PFKFB3: variants seen among roughly 807,000 people sequenced by gnomAD.
PFKFB3 encodes 6-phosphofructo-2-kinase/fructose-2,6-biphosphatase 3, also known as 6-phosphofructo-2-kinase/fructose-2,6-bisphosphatase 3.
PFKFB3 carries 33 observed loss-of-function variants against 68.0 expected under a neutral mutation model. The observed-to-expected ratio is 0.49, with a 90% CI of 0.37 to 0.65. The LOEUF is 0.65. PFKFB3 is among the 30% of genes least tolerant of loss of function. The pLI, the probability that PFKFB3 is intolerant of heterozygous loss-of-function variation, is 0.00. For missense variants in PFKFB3, 586 were observed against 712.2 expected, an observed-to-expected ratio of 0.82 and a Z score of 2.02; for synonymous variants, 315 against 288.2, an observed-to-expected ratio of 1.09 and a Z score of -0.94.
At chr10:6,253,861 G>C (rs190788964) in intron 14 of PFKFB3, among the ~76,000 whole-genome samples, 10 of 152,226 alleles carry the variant, frequency 6.6e-5, no homozygotes, top group African/African-American at 9.6e-5. Flanking sequence ...AGCCAACATG[G>C]CGAACCCCGT....
chr10:6,304,488 G>A, the PFKFB3 span, among the ~76,000 whole-genome samples: 1 of 148,736 alleles, frequency 6.7e-6, no homozygotes, highest in Non-Finnish European at 1.5e-5. Context: ...AATGTATCTA[G>A]TATGTTCTTT....
the PFKFB3 span, among the ~76,000 whole-genome samples, chr10:6,261,031 C>G: frequency 3.9e-5 from 6 of 152,234 alleles, no homozygotes; most frequent in Non-Finnish European, 8.8e-5. Context: ...GGTCAGTTCC[C>G]TGCATCTTCA....
the PFKFB3 span, among the ~76,000 whole-genome samples, chr10:6,307,730 C>T: frequency 6.6e-6 from 1 of 152,158 alleles, no homozygotes; most frequent in Non-Finnish European, 1.5e-5. Context: ...AAAATCCTTG[C>T]AGATGCATCC....
chr10:6,323,822 C>A, the PFKFB3 span, among the ~76,000 whole-genome samples: 1 of 152,176 alleles, frequency 6.6e-6, no homozygotes, highest in South Asian at 2.1e-4. Flanking sequence ...AGGTGAGATG[C>A]TGCAGCTTCT....
intron 14 of PFKFB3, among the ~76,000 whole-genome samples, chr10:6,241,197 G>A (rs932784392): frequency 7.2e-5 from 11 of 152,212 alleles, no homozygotes; most frequent in East Asian, 1.9e-4. Flanking sequence ...GAGCCACCGC[G>A]CCTGGCCATA....
intron 8 of PFKFB3, 127 bp from the exon 9 acceptor site, chr10:6,221,254 A>T (rs1844937084): frequency 8.3e-6 from 9 of 1,078,896 alleles, no homozygotes; most frequent in Non-Finnish European, 1.2e-5. Context: ...TGGCTGTCCC[A>T]GTGGCCTGGG....
chr10:6,287,263 T>C, the PFKFB3 span, among the ~76,000 whole-genome samples: 1,392 of 152,242 alleles, frequency 9.1e-3, 62 homozygotes, highest in East Asian at 0.13. Context: ...CTAACTTTTG[T>C]ATTTTTAGTA....
chr10:6,222,462 C>G lies in PFKFB3; in HGVS notation c.1084-393C>G, dbSNP rs367757618. ...ATCACCACAAATTCCAGGCCTTTCC[C>G]TCACTGCACAAAGAAACCCAGACCT... On this transcript the variant is annotated intron_variant, in intron 10 of 14. Coordinates refer to ENST00000379775, the MANE Select transcript of PFKFB3 (RefSeq NM_004566.4). Among the ~76,000 whole-genome samples the G allele has an allele frequency of 2.6e-5, 4 of 152,374 alleles. No individual in the cohort carries two copies. In the East Asian group the frequency reaches 7.7e-4, roughly 29 times the overall value.
At chr10:6,223,240 C>T (rs2131994872) in intron 11 of PFKFB3, among the ~76,000 whole-genome samples, 1 of 152,294 alleles carries the variant, frequency 6.6e-6, no homozygotes, top group African/African-American at 2.4e-5. Flanking sequence ...TCCCTGAGAC[C>T]CGCCCCTGGC....
At chr10:6,317,181 C>T in the PFKFB3 span, among the ~76,000 whole-genome samples, 4 of 152,156 alleles carry the variant, frequency 2.6e-5, no homozygotes, top group East Asian at 1.9e-4. Context: ...CCATGGGGGA[C>T]GTGCTCTTGA....
intron 1 of PFKFB3, among the ~76,000 whole-genome samples, chr10:6,192,313 C>G (rs1009740448): frequency 6.6e-6 from 1 of 151,680 alleles, no homozygotes; most frequent in African/African-American, 2.4e-5. Flanking sequence ...CCTAACATCT[C>G]GTCAGCAGCT....
chr10:6,209,471 TA>T (rs1279505338), intron 1 of PFKFB3, among the ~76,000 whole-genome samples: 1 of 137,338 alleles, frequency 7.3e-6, no homozygotes, highest in Non-Finnish European at 1.6e-5. Flanking sequence ...TTAAACTCAA[TA>T]ATTTTTTTTT....
At chr10:6,178,655 G>T (rs1226622075) in intron 1 of PFKFB3, among the ~76,000 whole-genome samples, 1 of 152,200 alleles carries the variant, frequency 6.6e-6, no homozygotes, top group Non-Finnish European at 1.5e-5. Context: ...GGGAGCAGCT[G>T]GGCGTTATTT....
intron 1 of PFKFB3, among the ~76,000 whole-genome samples, chr10:6,192,411 T>C (rs1197196160): frequency 6.7e-6 from 1 of 148,564 alleles, no homozygotes; most frequent in East Asian, 2.0e-4. Context: ...ATTTTTAGAA[T>C]GTTTTCCACT....
chr10:6,146,156 G>GGCACTGGAGCCTGC, intron 1 of PFKFB3: 1 of 901,596 alleles, frequency 1.1e-6, no homozygotes, highest in Non-Finnish European at 1.3e-6. Flanking sequence ...GGGGAGCCTG[G>GGCACTGGAGCCTGC]CCTCCCCTGG....
chr10:6,179,356 C>G (rs905765622), intron 1 of PFKFB3, among the ~76,000 whole-genome samples: 4 of 152,228 alleles, frequency 2.6e-5, no homozygotes, highest in African/African-American at 7.2e-5. Context: ...TTGAGCCACA[C>G]AAATCCAAAT....
intron 13 of PFKFB3, among the ~76,000 whole-genome samples, 194 bp from the exon 14 acceptor site, chr10:6,225,998 G>A (rs1386859174): frequency 6.6e-6 from 1 of 152,146 alleles, no homozygotes; most frequent in East Asian, 1.9e-4. Flanking sequence ...GGAGGGAATT[G>A]CCCCCATTCT....
At chr10:6,287,770 C>CATT in the PFKFB3 span, among the ~76,000 whole-genome samples, 8 of 152,092 alleles carry the variant, frequency 5.3e-5, no homozygotes, top group African/African-American at 1.7e-4. Flanking sequence ...TCACCAAATA[C>CATT]ATTATTACTA....
intron 12 of PFKFB3, 53 bp downstream of exon 12, chr10:6,224,073 T>C (rs1845155896): frequency 6.2e-7 from 1 of 1,607,536 alleles, no homozygotes; most frequent in Non-Finnish European, 8.5e-7. Context: ...CCACAGTAGC[T>C]TCTTGTGGCC....
Sources: allele counts gnomAD v4.1 joint callset (sites outside exome capture counted in the v4.1 genomes callset), GRCh38; gene constraint gnomAD v4.1.1; transcripts MANE v1.5; gene names NCBI Gene and HGNC (gene_info 2026-07-23, HGNC 2026-07-21).